GRK3: variants seen among roughly 807,000 people sequenced by gnomAD.
GRK3 encodes the protein G protein-coupled receptor kinase 3, also known as adrenergic, beta, receptor kinase 2.
Under a neutral mutation model 95.7 loss-of-function variants are expected in GRK3, and 54 were observed. The ratio of observed to expected loss-of-function variants is 0.56; its 90% CI spans 0.45 to 0.71. The LOEUF (loss-of-function observed/expected upper bound fraction) is 0.71, where lower values mean the gene tolerates loss of function less well. GRK3 is among the 30% of genes least tolerant of loss of function. The pLI, the probability that GRK3 is intolerant of heterozygous loss-of-function variation, is 0.00. For synonymous variants in GRK3, 281 were observed against 290.8 expected, an observed-to-expected ratio of 0.97 and a Z score of 0.34; for missense variants, 649 against 851.2, an observed-to-expected ratio of 0.76 and a Z score of 2.96.
At chr22:25,685,435 G>A (rs1000791621) in intron 10 of GRK3, among the ~76,000 whole-genome samples, 187 bp downstream of exon 10, 4 of 152,146 alleles carry the variant, frequency 2.6e-5, no homozygotes, top group Admixed American at 6.5e-5. Flanking sequence ...TGACTGCAAC[G>A]TCCTTCTGGG....
chr22:25,634,748 A>C (rs1240186046), intron 2 of GRK3, among the ~76,000 whole-genome samples: 1 of 152,210 alleles, frequency 6.6e-6, no homozygotes, highest in Non-Finnish European at 1.5e-5. Context: ...TTATAAAAGG[A>C]ATAAATATTT....
intron 3 of GRK3, among the ~76,000 whole-genome samples, chr22:25,652,216 C>T (rs1376706911): frequency 2.6e-5 from 4 of 152,230 alleles, no homozygotes; most frequent in Middle Eastern, 3.4e-3. Context: ...AGGCGGATCA[C>T]GAGGTCAGGA....
Position 25,579,565 on chromosome 22 carries a change from C to T in GRK3, c.113+14412C>T, listed in dbSNP as rs185117360. On this transcript the variant is annotated intron_variant, in intron 1 of 20. Transcript: ENST00000324198. ...TCAGCTCACTTCAAGCTCCATCTCC[C>T]GGGTTCACGGCATTCTCCTGCCTCA... Among the ~76,000 whole-genome samples the T allele has an allele frequency of 8.5e-3, 1,297 of 151,974 alleles. 10 individuals carry two copies. The highest frequency in any genetic ancestry group is 0.012 in the Non-Finnish European group (820 of 67,986).
intron 2 of GRK3, among the ~76,000 whole-genome samples, chr22:25,608,716 G>A (rs549731170): frequency 6.6e-6 from 1 of 152,214 alleles, no homozygotes; most frequent in Non-Finnish European, 1.5e-5. Context: ...TGGGTTTGGA[G>A]GCAGATTCCT....
chr22:25,684,033 G>A lies in GRK3; in HGVS notation c.748-1137G>A, dbSNP rs546897271. Among the ~76,000 whole-genome samples the A allele has an allele frequency of 3.6e-3, 541 of 152,282 alleles. 3 individuals carry two copies. Among genetic ancestry groups the A allele is most frequent in the Non-Finnish European group, 5.6e-3 (382 of 68,016 alleles). ...TACATCAGCTGGAAATGGCTGTAGCGTATGGTGTGAGGCAGGGGTCAAGGT... is the reference window on the plus strand; with the variant it reads ...TACATCAGCTGGAAATGGCTGTAGCATATGGTGTGAGGCAGGGGTCAAGGT... On this transcript the variant is annotated intron_variant, in intron 9 of 20. Transcript: ENST00000324198.
intron 9 of GRK3, 37 bp from the exon 10 acceptor site, chr22:25,685,133 T>A (rs2085102730): frequency 5.5e-6 from 8 of 1,458,290 alleles, no homozygotes; most frequent in Non-Finnish European, 6.7e-6. Flanking sequence ...CTAGGCAGCT[T>A]TTGCTCTTCT....
rs35383882 is a variant in GRK3, at chr22:25,688,235, C to CAA, written c.957+588_957+589dup. ...TGGACAACAGAGCAAGACTCTGTCT[C>CAA]AAAAAAAAAAAAAAAAAAAAAGCAG... On this transcript the variant is annotated intron_variant, in intron 11 of 20. Coordinates refer to ENST00000324198, the MANE Select transcript of GRK3 (RefSeq NM_005160.4). Among the ~76,000 whole-genome samples, 85 of 63,246 alleles carry CAA rather than the reference C, an allele frequency of 1.3e-3. 1 individual carries two copies. The highest frequency in any genetic ancestry group is 2.0e-3 in the Non-Finnish European group (61 of 31,232). The allele number at this position is 63,246 out of a possible 152,430, so 41.5% of individuals were successfully genotyped here. A position where few individuals can be genotyped will look rare whatever the true frequency, so the allele number is the denominator to read the frequency against.
chr22:25,594,317 G>A (rs58485799), intron 1 of GRK3, among the ~76,000 whole-genome samples: 15,839 of 152,008 alleles, frequency 0.1, 2,643 homozygotes, highest in African/African-American at 0.36. Flanking sequence ...GTAGAAAAAA[G>A]TCAAGGAGGA....
intron 11 of GRK3, among the ~76,000 whole-genome samples, chr22:25,688,734 A>G (rs2085141783): frequency 6.6e-6 from 1 of 152,208 alleles, no homozygotes; most frequent in African/African-American, 2.4e-5. Flanking sequence ...AAGGAGGTAG[A>G]AGCTGGCTCA....
chr22:25,585,951 T>C (rs1261094600), intron 1 of GRK3, among the ~76,000 whole-genome samples: 3 of 152,418 alleles, frequency 2.0e-5, no homozygotes, highest in African/African-American at 7.2e-5. Flanking sequence ...TCTTGAAGGG[T>C]TGGGGAAGGC....
chr22:25,667,653 T>C (rs555565986), intron 5 of GRK3, 86 bp from the exon 6 acceptor site: 5 of 936,960 alleles, frequency 5.3e-6, no homozygotes, highest in Non-Finnish European at 8.6e-6. Flanking sequence ...AATTGGGAAC[T>C]TCGCTTAACC....
intron 2 of GRK3, among the ~76,000 whole-genome samples, chr22:25,605,966 TGTG>T (rs1429791175): frequency 6.6e-6 from 1 of 152,132 alleles, no homozygotes; most frequent in Non-Finnish European, 1.5e-5. Flanking sequence ...ATTCTTCTTT[TGTG>T]TTTTCTGTTC....
chr22:25,629,538 T>A, intron 2 of GRK3, among the ~76,000 whole-genome samples: 1 of 152,202 alleles, frequency 6.6e-6, no homozygotes, highest in Middle Eastern at 3.2e-3. Flanking sequence ...ATCACTGTGA[T>A]GACTTCGATG....
chr22:25,686,134 A>G (rs1276976850), intron 10 of GRK3, among the ~76,000 whole-genome samples: 4 of 151,610 alleles, frequency 2.6e-5, no homozygotes, highest in Non-Finnish European at 5.9e-5. Flanking sequence ...AGGCAGGAGA[A>G]TGGTGTGAAC....
intron 1 of GRK3, 108 bp downstream of exon 1, chr22:25,565,261 C>G (rs561042586): frequency 1.0e-4 from 48 of 472,364 alleles, no homozygotes; most frequent in Admixed American, 7.3e-4. Context: ...TGCCCCGGGG[C>G]GGGTGACACA....
chr22:25,679,854 G>A (rs913413097), intron 9 of GRK3, among the ~76,000 whole-genome samples: 1 of 152,168 alleles, frequency 6.6e-6, no homozygotes, highest in Non-Finnish European at 1.5e-5. Flanking sequence ...AGAAATGTGC[G>A]AGACTTCTAG....
At chr22:25,664,602 C>G (rs1026753779) in intron 5 of GRK3, among the ~76,000 whole-genome samples, 2 of 149,006 alleles carry the variant, frequency 1.3e-5, no homozygotes, top group East Asian at 2.0e-4. Flanking sequence ...CTCATTGCAA[C>G]CTCCGCCTCC....
chr22:25,570,073 G>A (rs981579011), intron 1 of GRK3, among the ~76,000 whole-genome samples: 12 of 152,206 alleles, frequency 7.9e-5, no homozygotes, highest in Admixed American at 3.3e-4. Context: ...GGATGAAACT[G>A]CGATACTTTT....
In GRK3 at chr22:25,565,093, A is replaced by G. The variant is rs1931406405; in HGVS notation, c.53A>G (p.Glu18Gly). 2 of 1,539,560 alleles carry G rather than the reference A, an allele frequency of 1.3e-6. No homozygotes were observed. The highest frequency in any genetic ancestry group is 1.7e-6 in the Non-Finnish European group (2 of 1,146,190). Residue 18 changes from glutamate (E) to glycine (G), a missense_variant, in exon 1 of 21, where the codon GAG becomes GGG. By Grantham distance (98) the Glu-to-Gly change is moderately conservative. This residue lies in a region of GRK3 where 206 missense variants were observed against 231.4 expected (regional missense o/e 0.89). Coordinates refer to ENST00000324198, the MANE Select transcript of GRK3 (RefSeq NM_005160.4). ...GATGTCAGTTACCTGATGGCCATGG[A>G]GAAGAGCAAGGCGACCCCGGCCGCC... Reference protein sequence around the residue: ...LADVSYLMAMEKSKATPAARA... With the variant: ...LADVSYLMAMGKSKATPAARA...
Sources: allele counts gnomAD v4.1 joint callset (sites outside exome capture counted in the v4.1 genomes callset), GRCh38; gene constraint gnomAD v4.1.1; regional missense constraint gnomAD v4.1.1; transcripts MANE v1.5; gene names NCBI Gene and HGNC (gene_info 2026-07-23, HGNC 2026-07-21).